The following NDRG3 variants were observed in gnomAD, a reference collection of about 807,000 sequenced individuals.
NDRG3 encodes the protein protein NDRG3.
NDRG3 carries 23 observed loss-of-function variants against 57.2 expected under a neutral mutation model. The observed-to-expected ratio is 0.40, with a 90% CI of 0.29 to 0.57. The LOEUF is 0.57. Among genes scored for constraint, NDRG3 ranks in the 20% least tolerant of loss-of-function variants. The pLI, the probability that NDRG3 is intolerant of heterozygous loss-of-function variation, is 0.42. For missense variants in NDRG3, 384 were observed against 457.3 expected (o/e 0.84, Z 1.46); for synonymous variants, 132 against 162.6 (o/e 0.81, Z 1.43).
chr20:36,709,872 A>C lies in NDRG3; in HGVS notation c.58-2865T>G, dbSNP rs189153066. Among the ~76,000 whole-genome samples, 57 of 152,292 alleles carry C rather than the reference A, an allele frequency of 3.7e-4. 1 individual carries two copies. The East Asian group carries it at 6.7e-3, about 18-fold the overall frequency. ...CAAATAAGCCAATATAAAAAAATTA[A>C]ATGTTGAGGAAATTCTGTTAAAATT... is the stretch of plus-strand genomic sequence containing the variant. On this transcript the variant is annotated intron_variant, in intron 2 of 15. Coordinates refer to ENST00000349004, the MANE Select transcript of NDRG3 (RefSeq NM_032013.4).
At chr20:36,725,600 TAAAAA>T (rs548128722) in intron 1 of NDRG3, among the ~76,000 whole-genome samples, 1 of 82,428 alleles carries the variant, frequency 1.2e-5, no homozygotes. Flanking sequence ...AGACTCCGTC[TAAAAA>T]AAAAAAAAAA....
In NDRG3 at chr20:36,653,796, G is replaced by A. The variant is rs572298802; in HGVS notation, c.947-95C>T. The A allele has an allele frequency of 2.1e-5, 25 of 1,178,812 alleles. No homozygotes were observed. The South Asian group carries it at 2.6e-4, about 12-fold the overall frequency. The allele number at this position is 1,178,812 out of a possible 1,614,324, so 73.0% of individuals were successfully genotyped here. A position where few individuals can be genotyped will look rare whatever the true frequency, so the allele number is the denominator to read the frequency against. On this transcript the variant is annotated intron_variant, in intron 15 of 15. Coordinates refer to ENST00000349004, the MANE Select transcript of NDRG3 (RefSeq NM_032013.4). This position sits in a 1 kb window ranked among gnomAD's most constrained non-coding sequence, Gnocchi z 4.2. The stretch of plus-strand genomic sequence containing the variant: ...CAAAGTCTTTATGTTTAGCTTTTCC[G>A]ACTCATTTACCATGACACCCAGGAC...
intron 2 of NDRG3, among the ~76,000 whole-genome samples, chr20:36,716,809 A>G (rs1029768598): frequency 6.6e-6 from 1 of 152,100 alleles, no homozygotes; most frequent in Admixed American, 6.6e-5. Flanking sequence ...TTGGGTGAGG[A>G]GCCTGGAACA....
At chr20:36,654,694 G>A (rs1008754999) in intron 15 of NDRG3, 18 of 744,804 alleles carry the variant, frequency 2.4e-5, no homozygotes, top group Admixed American at 1.8e-4. Flanking sequence ...ACTGAGCCAC[G>A]TTCTATCGGG....
In NDRG3 at chr20:36,659,256, T is replaced by C. The variant is rs545397561; in HGVS notation, c.858+1081A>G. On this transcript the variant is annotated intron_variant, in intron 13 of 15. Coordinates refer to ENST00000349004, the MANE Select transcript of NDRG3 (RefSeq NM_032013.4). ...CACCCAGCCAAAGTTTTTAGTTACATGGGAAAGGCTATGTCATAAAGTTGA... is the reference window on the plus strand; with the variant it reads ...CACCCAGCCAAAGTTTTTAGTTACACGGGAAAGGCTATGTCATAAAGTTGA... Among the ~76,000 whole-genome samples the C allele has an allele frequency of 5.3e-5, 8 of 151,976 alleles. No homozygotes were observed. In the South Asian group the frequency reaches 8.3e-4, roughly 16 times the overall value.
Position 36,721,755 on chromosome 20 carries a change from A to G in NDRG3, c.-20T>C, listed in dbSNP as rs1450529118. The stretch of plus-strand genomic sequence containing the variant: ...ATCCATGAGGTCAGATAACGAGAGT[A>G]GAGGAATCTCAAGAATAAATCAGTA... On this transcript the variant is annotated 5_prime_UTR_variant, in exon 2 of 16. Coordinates refer to ENST00000349004, the MANE Select transcript of NDRG3 (RefSeq NM_032013.4). The G allele has an allele frequency of 1.3e-6, 2 of 1,576,458 alleles. No individual in the cohort carries two copies. The highest frequency in any genetic ancestry group is 2.2e-5 in the South Asian group (2 of 89,082).
At chr20:36,705,295 C>A (rs1346474482) in intron 3 of NDRG3, among the ~76,000 whole-genome samples, 1 of 147,200 alleles carries the variant, frequency 6.8e-6, no homozygotes, top group East Asian at 2.0e-4. Flanking sequence ...GCACTCCAGC[C>A]TGGGCGACTG....
chr20:36,708,815 G>A (rs371866131), intron 2 of NDRG3, among the ~76,000 whole-genome samples: 2 of 152,208 alleles, frequency 1.3e-5, no homozygotes, highest in South Asian at 4.1e-4. Context: ...AAGGCGGGCG[G>A]ATCACCTGAG....
chr20:36,703,354 CAT>C (rs775402304), intron 3 of NDRG3, among the ~76,000 whole-genome samples: 12 of 151,652 alleles, frequency 7.9e-5, no homozygotes, highest in South Asian at 2.1e-4. Flanking sequence ...CCCACACACA[CAT>C]ATATATATAC....
In NDRG3 at chr20:36,653,541, C is replaced by CTGG. The variant is rs1244376356; in HGVS notation, c.1104_1106dup (p.His368dup). On this transcript the variant is annotated inframe_insertion, in exon 16 of 16. Transcript: ENST00000349004. The surrounding 1 kb of genome is among the most constrained non-coding windows in gnomAD (Gnocchi z 4.2). ...CTGCTTAGCAGGACACCTCCATGGT[C>CTGG]TGGTGTCTGTCCAGGACATCAGGGG... The CTGG allele has an allele frequency of 6.2e-7, 1 of 1,613,986 alleles. No homozygotes were observed. The highest frequency in any genetic ancestry group is 1.3e-5 in the African/African-American group (1 of 74,934).
chr20:36,658,554 C>T (rs910393303), intron 13 of NDRG3, among the ~76,000 whole-genome samples: 3 of 152,222 alleles, frequency 2.0e-5, no homozygotes, highest in African/African-American at 7.2e-5. Flanking sequence ...CTTTCAAACA[C>T]ACTTCAAAGG....
chr20:36,711,324 A>T (rs1486789352), intron 2 of NDRG3, among the ~76,000 whole-genome samples: 3 of 151,420 alleles, frequency 2.0e-5, no homozygotes, highest in Non-Finnish European at 4.4e-5. Context: ...TAAATACAAA[A>T]ATGTAAAGAT....
chr20:36,680,232 A>C (rs1281752063), intron 8 of NDRG3, among the ~76,000 whole-genome samples: 1 of 151,682 alleles, frequency 6.6e-6, no homozygotes, highest in Admixed American at 6.6e-5. Flanking sequence ...CACGCCTGTA[A>C]TCCCAGCAGT....
intron 1 of NDRG3, among the ~76,000 whole-genome samples, chr20:36,737,889 C>CCCCG: frequency 6.6e-6 from 1 of 151,854 alleles, no homozygotes; most frequent in East Asian, 1.9e-4. Flanking sequence ...CATGGTGAAA[C>CCCCG]TCACCTCCAC....
chr20:36,676,526 G>T (rs978135794), intron 8 of NDRG3, among the ~76,000 whole-genome samples: 1 of 152,116 alleles, frequency 6.6e-6, no homozygotes, highest in African/African-American at 2.4e-5. Context: ...GCAATGGCAC[G>T]ATCTTGGCTC....
At chr20:36,715,032 A>G (rs1158349633) in intron 2 of NDRG3, among the ~76,000 whole-genome samples, 2 of 118,002 alleles carry the variant, frequency 1.7e-5, no homozygotes, top group African/African-American at 3.6e-5. Flanking sequence ...ATATATATAT[A>G]TATATATATA....
At chr20:36,672,337 T>G (rs1333191462) in intron 8 of NDRG3, among the ~76,000 whole-genome samples, 1 of 152,220 alleles carries the variant, frequency 6.6e-6, no homozygotes, top group Non-Finnish European at 1.5e-5. Context: ...CTGTTCGGCC[T>G]TCTTCCTTGG....
At chr20:36,745,511 C>T (rs1986142098) in intron 1 of NDRG3, among the ~76,000 whole-genome samples, 1 of 152,216 alleles carries the variant, frequency 6.6e-6, no homozygotes, top group Non-Finnish European at 1.5e-5. Flanking sequence ...TTCCGTGCCT[C>T]AGTTTCCTCG....
rs1401785047 is a variant in NDRG3, at chr20:36,653,436, G to A, written c.*84C>T. Reference sequence around the variant, plus strand: ...CCATGCATGAGTTAAAGATAGTAGAGGCCAGTTTACTGGATGAAATGTTAT... The same window carrying A: ...CCATGCATGAGTTAAAGATAGTAGAAGCCAGTTTACTGGATGAAATGTTAT... On this transcript the variant is annotated 3_prime_UTR_variant, in exon 16 of 16. Transcript: ENST00000349004. The surrounding 1 kb of genome is among the most constrained non-coding windows in gnomAD (Gnocchi z 4.2). 2 of 1,254,514 alleles carry A rather than the reference G, an allele frequency of 1.6e-6. No homozygotes were observed. The highest frequency in any genetic ancestry group is 2.2e-5 in the Admixed American group (1 of 46,252). The allele number at this position is 1,254,514 out of a possible 1,614,324, so 77.7% of individuals were successfully genotyped here. A position where few individuals can be genotyped will look rare whatever the true frequency, so the allele number is the denominator to read the frequency against.
Sources: allele counts gnomAD v4.1 joint callset (sites outside exome capture counted in the v4.1 genomes callset), GRCh38; gene constraint gnomAD v4.1.1; non-coding constraint Gnocchi (gnomAD v3.1); transcripts MANE v1.5; gene names NCBI Gene and HGNC (gene_info 2026-07-23, HGNC 2026-07-21).